NR6A1: variants seen among roughly 807,000 people sequenced by gnomAD.
NR6A1 encodes the protein nuclear receptor subfamily 6 group A member 1.
A neutral mutation model predicts 59.1 loss-of-function variants in NR6A1; 7 were observed. The ratio of observed to expected loss-of-function variants is 0.12; its 90% CI spans 0.07 to 0.22. NR6A1 has a LOEUF of 0.22. NR6A1 is among the 10% of genes least tolerant of loss of function. NR6A1 has a pLI of 1.00. For synonymous variants in NR6A1, 243 were observed against 236.1 expected (o/e 1.03, Z -0.27); for missense variants, 468 against 611.6 (o/e 0.77, Z 2.48).
At chr9:124,575,345 G>A (rs1834557071) in intron 2 of NR6A1, among the ~76,000 whole-genome samples, 2 of 152,152 alleles carry the variant, frequency 1.3e-5, no homozygotes, top group South Asian at 2.1e-4. Flanking sequence ...AGGCTAAGGC[G>A]GGCAGACTGT....
chr9:124,666,292 T>C (rs1156348018), intron 2 of NR6A1, among the ~76,000 whole-genome samples: 1 of 149,244 alleles, frequency 6.7e-6, no homozygotes, highest in African/African-American at 2.5e-5. Context: ...TTTTTTTTTT[T>C]TTTTGAGACA....
chr9:124,720,241 G>A (rs1011204094), intron 2 of NR6A1, among the ~76,000 whole-genome samples: 6 of 152,038 alleles, frequency 3.9e-5, no homozygotes, highest in African/African-American at 1.4e-4. Context: ...AGTGGAGATG[G>A]GGTTTCACCA....
intron 1 of NR6A1, among the ~76,000 whole-genome samples, chr9:124,744,202 T>A (rs1037475479): frequency 5.3e-5 from 8 of 152,014 alleles, no homozygotes; most frequent in African/African-American, 1.9e-4. Context: ...ATCACTGCAC[T>A]CCAGCCTGAG....
chr9:124,754,697 T>C (rs765331049), intron 1 of NR6A1, among the ~76,000 whole-genome samples: 1 of 152,224 alleles, frequency 6.6e-6, no homozygotes, highest in African/African-American at 2.4e-5. Context: ...TTGAATGGAA[T>C]ACTGGGTAAA....
Position 124,595,303 on chromosome 9 carries a change from C to T in NR6A1, c.143-40733G>A, listed in dbSNP as rs111837856. On this transcript the variant is annotated intron_variant, in intron 2 of 9. Transcript: ENST00000487099. Reference sequence around the variant, plus strand: ...AGCTCCCTACCAGAGGATGAGGTTGCCTTATCAATGGCCTCATGACCCCAA... The same window carrying T: ...AGCTCCCTACCAGAGGATGAGGTTGTCTTATCAATGGCCTCATGACCCCAA... 8.4e-3 allele frequency among the ~76,000 whole-genome samples: 1,282 copies of T among 152,202 alleles called. 18 individuals are homozygous for T. Among genetic ancestry groups the T allele is most frequent in the African/African-American group, 0.029 (1,222 of 41,518 alleles).
At chr9:124,716,515 G>C (rs889662740) in intron 2 of NR6A1, among the ~76,000 whole-genome samples, 3 of 152,118 alleles carry the variant, frequency 2.0e-5, no homozygotes, top group Non-Finnish European at 4.4e-5. Flanking sequence ...AAAGTAAAAA[G>C]GAGCCACAGA....
chr9:124,606,281 G>A (rs1482983824), intron 2 of NR6A1, among the ~76,000 whole-genome samples: 1 of 152,112 alleles, frequency 6.6e-6, no homozygotes, highest in African/African-American at 2.4e-5. Flanking sequence ...CTGCCCTAAA[G>A]GTTCCAATTC....
At chr9:124,729,140 T>C (rs1046220074) in intron 2 of NR6A1, among the ~76,000 whole-genome samples, 7 of 152,208 alleles carry the variant, frequency 4.6e-5, no homozygotes, top group Admixed American at 3.9e-4. Context: ...TGATGGATCG[T>C]ATCATAAAAA....
intron 2 of NR6A1, among the ~76,000 whole-genome samples, chr9:124,729,348 G>C (rs1428011864): frequency 6.6e-6 from 1 of 152,090 alleles, no homozygotes; most frequent in Non-Finnish European, 1.5e-5. Context: ...TTTTATATTT[G>C]TAAAGTAAAA....
In NR6A1 at chr9:124,582,766, T is replaced by C. The variant is rs774269191; in HGVS notation, c.143-28196A>G. Among the ~76,000 whole-genome samples, 102 of 152,252 alleles carry C rather than the reference T, an allele frequency of 6.7e-4. No individual in the cohort carries two copies. In the Middle Eastern group the frequency reaches 0.01, roughly 15 times the overall value. ...AGCTGGGCATGGTGGTGTGTGCCTGTAGTCCCAGCTACTCAGGAGGCTGAG... is the reference window on the plus strand; with the variant it reads ...AGCTGGGCATGGTGGTGTGTGCCTGCAGTCCCAGCTACTCAGGAGGCTGAG... On this transcript the variant is annotated intron_variant, in intron 2 of 9. Transcript: ENST00000487099.
chr9:124,553,928 A>G (rs1833856465), intron 3 of NR6A1, among the ~76,000 whole-genome samples: 1 of 152,172 alleles, frequency 6.6e-6, no homozygotes, highest in Non-Finnish European at 1.5e-5. Context: ...ACTTCTGAGC[A>G]TGCCTAGCCT....
chr9:124,580,249 T>C (rs1436235225), intron 2 of NR6A1, among the ~76,000 whole-genome samples: 1 of 152,026 alleles, frequency 6.6e-6, no homozygotes, highest in African/African-American at 2.4e-5. Context: ...AATAATAAAC[T>C]ATTAATACAT....
chr9:124,523,264 G>A (rs1168534212), intron 9 of NR6A1, among the ~76,000 whole-genome samples: 1 of 152,058 alleles, frequency 6.6e-6, no homozygotes, highest in East Asian at 1.9e-4. Context: ...AAGTACTAGG[G>A]GAAAAAGAAG....
intron 4 of NR6A1, among the ~76,000 whole-genome samples, chr9:124,540,446 T>A (rs887136764): frequency 1.3e-5 from 2 of 152,196 alleles, no homozygotes; most frequent in South Asian, 4.1e-4. Flanking sequence ...CAACTCCTTT[T>A]TGTCCTTGAG....
chr9:124,680,309 G>A (rs1269626940), intron 2 of NR6A1, among the ~76,000 whole-genome samples: 2 of 152,098 alleles, frequency 1.3e-5, no homozygotes, highest in South Asian at 2.1e-4. Flanking sequence ...CAAATGCCAT[G>A]TGATTTACTT....
At chr9:124,556,296 A>G (rs113508209) in intron 2 of NR6A1, among the ~76,000 whole-genome samples, 2,770 of 152,236 alleles carry the variant, frequency 0.018, 79 homozygotes, top group African/African-American at 0.062. Flanking sequence ...AACACATCAC[A>G]TGCAAAAGAG....
At position 124,538,233 on chromosome 9, in the gene NR6A1, T is replaced by C; in HGVS notation, c.683A>G (p.His228Arg). The change falls in exon 6 of 10, where the codon CAC becomes CGC. Residue 228 changes from histidine to arginine, a missense_variant. Transcript: ENST00000487099. Reference sequence around the variant, plus strand: ...TGAGTGGCCAGAATAGCTAAAAAGGTGCGGTATATATTGGTAATGTGGAGG... The same window carrying C: ...TGAGTGGCCAGAATAGCTAAAAAGGCGCGGTATATATTGGTAATGTGGAGG... ...SVPPHYQYIP[H>R]LFSYSGHSPL... 1.2e-6 allele frequency: 2 copies of C among 1,613,982 alleles called. No homozygotes were observed. Among genetic ancestry groups the C allele is most frequent in the Non-Finnish European group, 1.7e-6 (2 of 1,179,984 alleles).
At chr9:124,543,332 G>A (rs554488935) in intron 4 of NR6A1, among the ~76,000 whole-genome samples, 2 of 152,270 alleles carry the variant, frequency 1.3e-5, no homozygotes, top group African/African-American at 4.8e-5. Flanking sequence ...ATTAGACTGA[G>A]TTCACAGTAT....
chr9:124,682,476 G>C (rs1031265606), intron 2 of NR6A1, among the ~76,000 whole-genome samples: 1 of 152,094 alleles, frequency 6.6e-6, no homozygotes, highest in Non-Finnish European at 1.5e-5. Flanking sequence ...ATGCAGATAT[G>C]AGAATTCAGC....
Sources: allele counts gnomAD v4.1 joint callset (sites outside exome capture counted in the v4.1 genomes callset), GRCh38; gene constraint gnomAD v4.1.1; transcripts MANE v1.5; gene names NCBI Gene and HGNC (gene_info 2026-07-23, HGNC 2026-07-21).